Variants in LATS2 observed in about 807,000 individuals in gnomAD.
LATS2 encodes the protein large tumor suppressor kinase 2, also known as serine/threonine-protein kinase LATS2.
A neutral mutation model predicts 76.0 loss-of-function variants in LATS2; 24 were observed. That is an observed-to-expected ratio of 0.32 (90% confidence interval 0.23 to 0.44). The LOEUF is 0.44. LATS2 is among the 20% of genes least tolerant of loss of function. The probability of loss-of-function intolerance (pLI) is 1.00; values close to 1 mark genes in which losing one functional copy is unlikely to be tolerated. For synonymous variants in LATS2, 692 were observed against 635.4 expected (o/e 1.09, Z -1.34); for missense variants, 1,286 against 1,481.2 (o/e 0.87, Z 2.16).
intron 2 of LATS2, among the ~76,000 whole-genome samples, chr13:20,995,234 G>T (rs1870700864): frequency 6.6e-6 from 1 of 152,180 alleles, no homozygotes; most frequent in African/African-American, 2.4e-5. Flanking sequence ...TGTAATTGTA[G>T]ATTTTATGCA....
chr13:21,014,173 G>C (rs566054908), intron 2 of LATS2, among the ~76,000 whole-genome samples: 1 of 152,090 alleles, frequency 6.6e-6, no homozygotes, highest in Non-Finnish European at 1.5e-5. Flanking sequence ...AATATGAGTC[G>C]GGGGCAGGGG....
At chr13:21,060,906 C>A (rs1464858708) in intron 1 of LATS2, among the ~76,000 whole-genome samples, 1 of 151,384 alleles carries the variant, frequency 6.6e-6, no homozygotes, top group Non-Finnish European at 1.5e-5. Flanking sequence ...TAGTGAAAAG[C>A]CGATCCCCCG....
rs1872610899 is a variant in LATS2, at chr13:21,033,941, ATCT to A, written c.342+11741_342+11743del. ...ACACACATTCCACAAGTTTGAGCAA[ATCT>A]TCTCCATGTGATTTCTGTGGGACAG... On this transcript the variant is annotated intron_variant, in intron 2 of 7. Coordinates refer to ENST00000382592, the MANE Select transcript of LATS2 (RefSeq NM_014572.3). 2.0e-5 allele frequency among the ~76,000 whole-genome samples: 3 copies of A among 152,202 alleles called. No individual in the cohort carries two copies. In the South Asian group the frequency reaches 6.2e-4, roughly 32 times the overall value.
chr13:20,978,669 T>C (rs1216856492), intron 7 of LATS2, among the ~76,000 whole-genome samples: 1 of 152,196 alleles, frequency 6.6e-6, no homozygotes. Flanking sequence ...ATGCCTCCCC[T>C]TCCTCAGCCC....
At chr13:21,043,381 T>G (rs927420009) in intron 2 of LATS2, among the ~76,000 whole-genome samples, 2 of 152,170 alleles carry the variant, frequency 1.3e-5, no homozygotes, top group Non-Finnish European at 2.9e-5. Flanking sequence ...ATCATCTTTT[T>G]AACAAACTGA....
chr13:20,974,960 T>C lies in LATS2; in HGVS notation c.3177A>G (p.Ser1059=). The C allele has an allele frequency of 6.2e-7, 1 of 1,614,246 alleles. No individual in the cohort carries two copies. Among genetic ancestry groups the C allele is most frequent in the East Asian group, 2.2e-5 (1 of 44,888 alleles). ...TCTCAGCCTGTGAAGCTTCTGCTCC[T>C]GAAGGCTTTGGGCATCGAAAGGGGT... The part of the protein sequence containing the change: ...NGYPFRCPKP[S]GAEASQAESS... Residue 1059 remains serine, a synonymous_variant, in exon 8 of 8, where the codon TCA becomes TCG. Coordinates refer to ENST00000382592, the MANE Select transcript of LATS2 (RefSeq NM_014572.3).
rs1362342577 is a variant in LATS2 at position 21,010,747 on chromosome 13, C to T, written c.343-19343G>A. ...ACTTTGAATTCCTGGAAAACCCATA[C>T]CTCTGCTTAACTTGGGGACTTTCAT... On this transcript the variant is annotated intron_variant, in intron 2 of 7. Coordinates refer to ENST00000382592, the MANE Select transcript of LATS2 (RefSeq NM_014572.3). Among the ~76,000 whole-genome samples the T allele has an allele frequency of 3.3e-5, 5 of 152,166 alleles. No individual in the cohort carries two copies. In the East Asian group the frequency reaches 9.6e-4, roughly 29 times the overall value.
rs201100789 is a variant in LATS2 at position 21,000,488 on chromosome 13, AG to A, written c.343-9085del. 1.3e-3 allele frequency among the ~76,000 whole-genome samples: 205 copies of A among 152,138 alleles called. 2 individuals carry two copies. Among genetic ancestry groups the A allele is most frequent in the African/African-American group, 3.7e-3 (155 of 41,432 alleles). On this transcript the variant is annotated intron_variant, in intron 2 of 7. Coordinates refer to ENST00000382592, the MANE Select transcript of LATS2 (RefSeq NM_014572.3). The stretch of plus-strand genomic sequence containing the variant: ...GAATATTTATTATCAAAAGTTATTA[AG>A]TTTTTTTTATCCCGATTTAATGATT...
intron 2 of LATS2, among the ~76,000 whole-genome samples, chr13:21,028,803 T>C (rs1872411848): frequency 6.6e-6 from 1 of 152,102 alleles, no homozygotes; most frequent in Non-Finnish European, 1.5e-5. Flanking sequence ...CTCTTGACCT[T>C]GTGATCCACC....
Position 20,973,503 on chromosome 13 carries a change from T to C in LATS2, c.*1367A>G, listed in dbSNP as rs1404324970. 1.1e-5 allele frequency: 2 copies of C among 183,438 alleles called. No homozygotes were observed. The highest frequency in any genetic ancestry group is 2.0e-5 in the Non-Finnish European group (2 of 98,478). The allele number at this position is 183,438 out of a possible 1,614,324, so 11.4% of individuals were successfully genotyped here. A position where few individuals can be genotyped will look rare whatever the true frequency, so the allele number is the denominator to read the frequency against. On this transcript the variant is annotated 3_prime_UTR_variant, in exon 8 of 8. Transcript: ENST00000382592. Reference sequence around the variant, plus strand: ...CATACTAATTTGAAATAAGGAATATTGTGTTTATCTCTGTGTGTGTGTGTG... The same window carrying C: ...CATACTAATTTGAAATAAGGAATATCGTGTTTATCTCTGTGTGTGTGTGTG...
intron 2 of LATS2, among the ~76,000 whole-genome samples, chr13:21,004,646 C>A (rs1871193263): frequency 6.6e-6 from 1 of 152,178 alleles, no homozygotes; most frequent in Non-Finnish European, 1.5e-5. Context: ...TCCAACCTGG[C>A]AGGCACACAT....
chr13:21,009,971 G>A (rs1871518707), intron 2 of LATS2, among the ~76,000 whole-genome samples: 1 of 152,096 alleles, frequency 6.6e-6, no homozygotes, highest in Non-Finnish European at 1.5e-5. Context: ...AGGGCGAGGT[G>A]GACAGACTGC....
At chr13:20,990,461 ATTTTTTTTTTT>A (rs35074574) in intron 3 of LATS2, among the ~76,000 whole-genome samples, 15 of 94,522 alleles carry the variant, frequency 1.6e-4, no homozygotes, top group African/African-American at 6.2e-4. Context: ...AATTACTAGG[ATTTTTTTTTTT>A]TTTTTTTTTT....
Position 20,988,772 on chromosome 13 carries a change from C to T in LATS2, c.1008G>A (p.Gln336=), listed in dbSNP as rs1273606965. The stretch of plus-strand genomic sequence containing the variant: ...GCGGGGGGCTGTCGCTGGCGAACAC[C>T]TGGCTGCGGGAGCCCAGCACATGCA... ...HQLHVLGSRS[Q]VFASDSPPQS... Residue 336 remains glutamine (Q), a synonymous_variant, in exon 4 of 8, where the codon CAG becomes CAA. Coordinates refer to ENST00000382592, the MANE Select transcript of LATS2 (RefSeq NM_014572.3). The T allele has an allele frequency of 2.5e-6, 4 of 1,587,336 alleles. No homozygotes were observed. Among genetic ancestry groups the T allele is most frequent in the Middle Eastern group, 1.7e-4 (1 of 6,014 alleles).
intron 2 of LATS2, among the ~76,000 whole-genome samples, chr13:20,998,891 G>C (rs1595224126): frequency 2.0e-5 from 3 of 152,176 alleles, no homozygotes; most frequent in Admixed American, 2.0e-4. Context: ...GCGGGGCGGG[G>C]GCCCTGGCGA....
rs1380062848 is a variant in LATS2 at position 20,973,970 on chromosome 13, T to A, written c.*900A>T. On this transcript the variant is annotated 3_prime_UTR_variant, in exon 8 of 8. Coordinates refer to ENST00000382592, the MANE Select transcript of LATS2 (RefSeq NM_014572.3). ...GTTCAGTATATGACAAATGTTTCAG[T>A]TCCCCCCCCCCAAAGAATCCAATCA... 7 of 154,216 alleles carry A rather than the reference T, an allele frequency of 4.5e-5. No individual in the cohort carries two copies. The highest frequency in any genetic ancestry group is 8.1e-5 in the Non-Finnish European group (7 of 86,178). 9.6% of individuals were successfully genotyped at this position (154,216 alleles called of 1,614,324 possible).
In LATS2 at chr13:21,045,769, A is replaced by C. The variant is rs1873051072; in HGVS notation, c.258T>G (p.Pro86=). ...ALREIRYSLL[P]FANESGTSAA... is the part of the protein sequence containing the mutation. Reference sequence around the variant, plus strand: ...CAGAGGTGCCCGATTCATTAGCAAAAGGCAACAAGGAATATCTGATTTCCC... The same window carrying C: ...CAGAGGTGCCCGATTCATTAGCAAACGGCAACAAGGAATATCTGATTTCCC... The change falls in exon 2 of 8, where the codon CCT becomes CCG. Residue 86 remains proline, a synonymous_variant. Transcript: ENST00000382592. 4 of 1,614,100 alleles carry C rather than the reference A, an allele frequency of 2.5e-6. No individual in the cohort carries two copies. The South Asian group carries it at 4.4e-5, about 18-fold the overall frequency.
intron 2 of LATS2, among the ~76,000 whole-genome samples, chr13:21,011,021 TAA>T (rs1367779876): frequency 6.6e-6 from 1 of 152,254 alleles, no homozygotes; most frequent in Non-Finnish European, 1.5e-5. Context: ...CTCATTGGAG[TAA>T]AGTCTTTTTA....
At chr13:20,979,858 C>A in intron 6 of LATS2, 61 bp from the exon 7 acceptor site, 3 of 905,400 alleles carry the variant, frequency 3.3e-6, no homozygotes, top group Non-Finnish European at 3.6e-6. Context: ...AGGTGAATTT[C>A]ATTAAGATGC....
Sources: allele counts gnomAD v4.1 joint callset (sites outside exome capture counted in the v4.1 genomes callset), GRCh38; gene constraint gnomAD v4.1.1; transcripts MANE v1.5; gene names NCBI Gene and HGNC (gene_info 2026-07-23, HGNC 2026-07-21).